ZNF521: variants seen among roughly 807,000 people sequenced by gnomAD.
The protein encoded by ZNF521 is zinc finger protein 521, also known as LYST-interacting protein 3.
ZNF521 carries 14 observed loss-of-function variants against 105.5 expected under a neutral mutation model. That is an observed-to-expected ratio of 0.13 (90% CI 0.09 to 0.21). ZNF521 has a LOEUF of 0.21. Among genes scored for constraint, ZNF521 ranks in the 10% least tolerant of loss-of-function variants. The pLI, the probability that ZNF521 is intolerant of heterozygous loss-of-function variation, is 1.00. For missense variants in ZNF521, 1,233 were observed against 1,629.7 expected, an observed-to-expected ratio of 0.76 and a Z score of 4.19; for synonymous variants, 635 against 606.0, an observed-to-expected ratio of 1.05 and a Z score of -0.70.
intron 6 of ZNF521, among the ~76,000 whole-genome samples, chr18:25,090,990 G>A (rs2033732549): frequency 6.6e-6 from 1 of 152,180 alleles, no homozygotes; most frequent in Non-Finnish European, 1.5e-5. Context: ...TGAAGGCAGA[G>A]CCATCAACGT....
chr18:25,075,440 G>T lies in ZNF521; in HGVS notation c.3907-12699C>A, dbSNP rs572510684. Among the ~76,000 whole-genome samples, 13 of 152,240 alleles carry T rather than the reference G, an allele frequency of 8.5e-5. No individual in the cohort carries two copies. The South Asian group carries it at 2.7e-3, about 32-fold the overall frequency. On this transcript the variant is annotated intron_variant, in intron 7 of 7. Transcript: ENST00000361524. ...TCCTTCACCAATGACTCCTGCCACC[G>T]GGCTCTTTACTTCTGTCACAAGTCC...
intron 5 of ZNF521, among the ~76,000 whole-genome samples, chr18:25,155,710 T>G (rs761745372): frequency 1.3e-5 from 2 of 152,162 alleles, no homozygotes; most frequent in African/African-American, 2.4e-5. Flanking sequence ...GGTGTCCTTG[T>G]CCAAAATTAG....
intron 3 of ZNF521, among the ~76,000 whole-genome samples, chr18:25,281,107 T>C (rs1304083987): frequency 2.6e-5 from 4 of 152,206 alleles, no homozygotes; most frequent in African/African-American, 7.2e-5. Context: ...AGTCCAGAGA[T>C]ATATAAATTA....
intron 3 of ZNF521, among the ~76,000 whole-genome samples, chr18:25,249,442 C>A (rs1425333006): frequency 6.6e-6 from 1 of 151,718 alleles, no homozygotes; most frequent in East Asian, 1.9e-4. Context: ...CAGGCTTGAG[C>A]CACCACGCCG....
intron 3 of ZNF521, among the ~76,000 whole-genome samples, chr18:25,263,701 G>C (rs946976160): frequency 6.6e-6 from 1 of 152,132 alleles, no homozygotes; most frequent in East Asian, 1.9e-4. Context: ...TCAGCGTCCT[G>C]AATAGCTGGG....
At chr18:25,183,450 G>T (rs1031908754) in intron 5 of ZNF521, among the ~76,000 whole-genome samples, 14 of 152,112 alleles carry the variant, frequency 9.2e-5, no homozygotes, top group Admixed American at 7.2e-4. Flanking sequence ...AATGTAAATT[G>T]GTTGAGGTAT....
At chr18:25,112,253 T>C (rs1171152585) in intron 5 of ZNF521, among the ~76,000 whole-genome samples, 1 of 152,226 alleles carries the variant, frequency 6.6e-6, no homozygotes, top group Admixed American at 6.5e-5. Flanking sequence ...TCAGCTCATG[T>C]ATGAGGCAGT....
chr18:25,293,206 A>C (rs1188475340), intron 3 of ZNF521, among the ~76,000 whole-genome samples: 1 of 152,188 alleles, frequency 6.6e-6, no homozygotes, highest in Non-Finnish European at 1.5e-5. Context: ...CATACATATG[A>C]TTCCACACAA....
At chr18:25,151,095 C>T (rs2035040003) in intron 5 of ZNF521, among the ~76,000 whole-genome samples, 1 of 151,904 alleles carries the variant, frequency 6.6e-6, no homozygotes, top group South Asian at 2.1e-4. Flanking sequence ...TGGCCCTGAT[C>T]CAGGTCTTAT....
chr18:25,252,185 G>A (rs577672376), intron 3 of ZNF521, among the ~76,000 whole-genome samples: 100 of 151,982 alleles, frequency 6.6e-4, no homozygotes, highest in Middle Eastern at 6.8e-3. Context: ...TCCTAAGGGC[G>A]GTTCTATAAA....
intron 3 of ZNF521, among the ~76,000 whole-genome samples, chr18:25,274,245 A>G (rs1372159470): frequency 6.6e-6 from 1 of 152,154 alleles, no homozygotes; most frequent in African/African-American, 2.4e-5. Flanking sequence ...CATACCCACA[A>G]GAATTTCCCC....
At chr18:25,343,595 C>T (rs748049354) in intron 2 of ZNF521, among the ~76,000 whole-genome samples, 13 of 152,246 alleles carry the variant, frequency 8.5e-5, no homozygotes, top group Non-Finnish European at 1.5e-4. Flanking sequence ...AATCACTTGA[C>T]CTTGCTCAGA....
chr18:25,116,846 GA>G, intron 5 of ZNF521, among the ~76,000 whole-genome samples: 1 of 146,822 alleles, frequency 6.8e-6, no homozygotes, highest in East Asian at 2.0e-4. Context: ...AAAGTAAGGG[GA>G]AAATCTGTTA....
At chr18:25,117,436 A>AT (rs1449269963) in intron 5 of ZNF521, among the ~76,000 whole-genome samples, 2 of 152,134 alleles carry the variant, frequency 1.3e-5, no homozygotes, top group East Asian at 3.9e-4. Flanking sequence ...AATGTGACCT[A>AT]TTTTTAACAG....
chr18:25,210,976 A>T (rs1205862912), intron 4 of ZNF521, among the ~76,000 whole-genome samples: 1 of 152,276 alleles, frequency 6.6e-6, no homozygotes, highest in East Asian at 1.9e-4. Context: ...GCAGGAATTA[A>T]TAAATCTGTT....
chr18:25,309,258 C>T (rs557793981), intron 3 of ZNF521, among the ~76,000 whole-genome samples: 3 of 152,276 alleles, frequency 2.0e-5, no homozygotes, highest in South Asian at 2.1e-4. Flanking sequence ...AGAGAAGCTC[C>T]GCTTAGGTTT....
intron 5 of ZNF521, among the ~76,000 whole-genome samples, chr18:25,113,381 C>T (rs2034234653): frequency 6.6e-6 from 1 of 152,312 alleles, no homozygotes; most frequent in South Asian, 2.1e-4. Flanking sequence ...AATGAAATAA[C>T]ACACATCTGC....
intron 4 of ZNF521, among the ~76,000 whole-genome samples, chr18:25,221,506 A>G (rs942878193): frequency 3.3e-5 from 5 of 152,178 alleles, no homozygotes; most frequent in African/African-American, 1.2e-4. Context: ...TCTTGACCAT[A>G]CCTATGTATC....
intron 3 of ZNF521, among the ~76,000 whole-genome samples, chr18:25,234,625 G>C (rs2144768455): frequency 6.6e-6 from 1 of 152,028 alleles, no homozygotes; most frequent in Non-Finnish European, 1.5e-5. Context: ...CTTATATGAA[G>C]GAGTTTTCTG....
Sources: allele counts gnomAD v4.1 joint callset (sites outside exome capture counted in the v4.1 genomes callset), GRCh38; gene constraint gnomAD v4.1.1; transcripts MANE v1.5; gene names NCBI Gene and HGNC (gene_info 2026-07-23, HGNC 2026-07-21).